Variants in PEX5L observed in about 807,000 individuals in gnomAD.
The protein encoded by PEX5L is peroxisomal biogenesis factor 5 like.
In PEX5L, 30 loss-of-function variants were observed where a neutral mutation model predicts 84.0. That is an observed-to-expected ratio of 0.36 (90% CI 0.27 to 0.48). PEX5L has a LOEUF of 0.48. Ranked by LOEUF, PEX5L falls within the 20% of genes least tolerant of loss-of-function variation. The pLI, the probability that PEX5L is intolerant of heterozygous loss-of-function variation, is 0.99. For synonymous variants in PEX5L, 270 were observed against 283.1 expected (o/e 0.95, Z 0.46); for missense variants, 533 against 754.6 (o/e 0.71, Z 3.44).
chr3:179,964,446 A>G (rs1782828249), intron 2 of PEX5L, among the ~76,000 whole-genome samples: 1 of 152,334 alleles, frequency 6.6e-6, no homozygotes. Context: ...AAGTTGACAA[A>G]TGGGACCTAA....
intron 1 of PEX5L, among the ~76,000 whole-genome samples, chr3:179,975,855 G>A (rs1458299850): frequency 6.6e-6 from 1 of 152,144 alleles, no homozygotes; most frequent in African/African-American, 2.4e-5. Context: ...TCTTTTGAGT[G>A]TCAATGAGGA....
At chr3:179,851,311 T>G (rs900080498) in intron 8 of PEX5L, among the ~76,000 whole-genome samples, 4 of 152,172 alleles carry the variant, frequency 2.6e-5, no homozygotes, top group African/African-American at 4.8e-5. Flanking sequence ...GGCCTGGTCT[T>G]CATTGAAACT....
At position 180,004,505 on chromosome 3, in the gene PEX5L, T is replaced by C. The variant is rs556392910; in HGVS notation, c.21+32074A>G. ...GCTGGGCATACTAATATGAATGAAA[T>C]GGTTCCAGTTCTACAGTGGGACCCA... On this transcript the variant is annotated intron_variant, in intron 1 of 14. Coordinates refer to ENST00000467460, the MANE Select transcript of PEX5L (RefSeq NM_016559.3). Among the ~76,000 whole-genome samples, 292 of 152,294 alleles carry C rather than the reference T, an allele frequency of 1.9e-3. 1 individual carries two copies. Among genetic ancestry groups the C allele is most frequent in the Non-Finnish European group, 3.2e-3 (215 of 68,006 alleles).
intron 2 of PEX5L, among the ~76,000 whole-genome samples, chr3:179,899,572 T>C (rs1760592824): frequency 1.3e-5 from 2 of 152,178 alleles, no homozygotes; most frequent in Non-Finnish European, 2.9e-5. Flanking sequence ...TTTAAGTATT[T>C]AGAAGGTAGG....
At chr3:179,973,920 A>T in intron 1 of PEX5L, 2 of 985,486 alleles carry the variant, frequency 2.0e-6, no homozygotes, top group Non-Finnish European at 2.4e-6. Context: ...GGAGCCTTAC[A>T]GTTTTACTCT....
intron 1 of PEX5L, among the ~76,000 whole-genome samples, chr3:179,986,593 G>T (rs534838863): frequency 9.2e-4 from 140 of 151,886 alleles, no homozygotes; most frequent in Non-Finnish European, 1.5e-3. Flanking sequence ...TAGTAGAGAC[G>T]GGGTTTCACC....
intron 5 of PEX5L, among the ~76,000 whole-genome samples, chr3:179,879,507 T>C (rs1753511587): frequency 6.6e-6 from 1 of 152,232 alleles, no homozygotes; most frequent in Non-Finnish European, 1.5e-5. Flanking sequence ...GTTATTATTG[T>C]ATGGCATGTA....
intron 2 of PEX5L, among the ~76,000 whole-genome samples, chr3:179,945,628 C>T (rs905555363): frequency 2.0e-5 from 3 of 152,172 alleles, no homozygotes; most frequent in African/African-American, 4.8e-5. Context: ...GCATGACACA[C>T]GCTTGAAAGG....
At position 179,797,603 on chromosome 3, in the gene PEX5L, A is replaced by AT. The variant is rs1431315600; in HGVS notation, c.*4224_*4225insA. The AT allele has an allele frequency of 2.5e-3, 274 of 109,846 alleles. No homozygotes were observed. Among genetic ancestry groups the AT allele is most frequent in the South Asian group, 9.5e-3 (33 of 3,472 alleles). 6.8% of individuals were successfully genotyped at this position (109,846 alleles called of 1,614,324 possible). A position where few individuals can be genotyped will look rare whatever the true frequency, so the allele number is the denominator to read the frequency against. On this transcript the variant is annotated 3_prime_UTR_variant, in exon 15 of 15. Coordinates refer to ENST00000467460, the MANE Select transcript of PEX5L (RefSeq NM_016559.3). ...TGAACACTCTTTAAAAAAAAAAAAAAAAATATATATATATATATATATATA... is the reference window on the plus strand; with the variant it reads ...TGAACACTCTTTAAAAAAAAAAAAAATAAATATATATATATATATATATATA...
At chr3:179,964,797 C>T (rs957092136) in intron 2 of PEX5L, among the ~76,000 whole-genome samples, 3 of 152,164 alleles carry the variant, frequency 2.0e-5, no homozygotes, top group African/African-American at 7.2e-5. Context: ...TACCAACTAC[C>T]ACCATGCTTT....
In PEX5L at chr3:179,874,441, A is replaced by C. The variant is rs1280403857; in HGVS notation, c.630-18T>G. ...CTGAGGACCTATAAGGGATGCATTA[A>C]GGAAATTAAACGTACACTAGAAACA... On this transcript the variant is annotated intron_variant, in intron 6 of 14. Coordinates refer to ENST00000467460, the MANE Select transcript of PEX5L (RefSeq NM_016559.3). The C allele has an allele frequency of 7.4e-7, 1 of 1,348,444 alleles. No homozygotes were observed. Among genetic ancestry groups the C allele is most frequent in the African/African-American group, 1.5e-5 (1 of 68,554 alleles). 83.5% of individuals were successfully genotyped at this position (1,348,444 alleles called of 1,614,324 possible).
rs145337071 is a variant in PEX5L at position 179,816,337 on chromosome 3, C to T, written c.940-333G>A. ...ACAATAGCAAAGACTTGGAACCAAA[C>T]CAAATGCCCATCAATGATAGACTGG... is the stretch of plus-strand genomic sequence containing the variant. On this transcript the variant is annotated intron_variant, in intron 9 of 14. Transcript: ENST00000467460. 9.6e-3 allele frequency among the ~76,000 whole-genome samples: 1,454 copies of T among 152,220 alleles called. 24 individuals carry two copies. Among genetic ancestry groups the T allele is most frequent in the African/African-American group, 0.033 (1,385 of 41,520 alleles).
intron 8 of PEX5L, among the ~76,000 whole-genome samples, chr3:179,825,580 C>T (rs1054014565): frequency 1.0e-4 from 15 of 149,508 alleles, no homozygotes; most frequent in African/African-American, 3.7e-4. Flanking sequence ...CAGTATAGGT[C>T]TCAATATTGG....
chr3:179,990,032 A>T (rs1328469732), intron 1 of PEX5L, among the ~76,000 whole-genome samples: 5 of 152,228 alleles, frequency 3.3e-5, no homozygotes, highest in African/African-American at 9.6e-5. Context: ...ACTTATAGGT[A>T]CAGATGATAG....
At chr3:179,992,004 T>C (rs1388276773) in intron 1 of PEX5L, among the ~76,000 whole-genome samples, 1 of 152,228 alleles carries the variant, frequency 6.6e-6, no homozygotes, top group African/African-American at 2.4e-5. Context: ...GTTTTTGTTC[T>C]TAAAACATAG....
chr3:179,897,287 T>C (rs1374584862), intron 3 of PEX5L, among the ~76,000 whole-genome samples: 2 of 152,090 alleles, frequency 1.3e-5, no homozygotes, highest in African/African-American at 4.8e-5. Flanking sequence ...AAAAATGAAA[T>C]GTTTAAAATA....
At chr3:179,830,397 TGAA>T (rs762155812) in intron 8 of PEX5L, among the ~76,000 whole-genome samples, 43 of 151,682 alleles carry the variant, frequency 2.8e-4, no homozygotes, top group Admixed American at 2.2e-3. Flanking sequence ...GGAAAATGGT[TGAA>T]GCTGCTTTGA....
At position 179,809,679 on chromosome 3, in the gene PEX5L, A is replaced by AG. The variant is rs778011261; in HGVS notation, c.1155-12_1155-11insC. On this transcript the variant is annotated splice_polypyrimidine_tract_variant and intron_variant, in intron 11 of 14. Transcript: ENST00000467460. Reference sequence around the variant, plus strand: ...TGTAATTCTAAGCACCTGAAAAAAAAAAAGAAGCCAATTTCAGATTTTTTT... The same window carrying AG: ...TGTAATTCTAAGCACCTGAAAAAAAAGAAAGAAGCCAATTTCAGATTTTTTT... 11 of 1,577,246 alleles carry AG rather than the reference A, an allele frequency of 7.0e-6. 1 individual carries two copies. In the South Asian group the frequency reaches 8.2e-5, roughly 12 times the overall value.
At chr3:179,810,032 T>A (rs1253331319) in intron 11 of PEX5L, among the ~76,000 whole-genome samples, 4 of 84,210 alleles carry the variant, frequency 4.8e-5, no homozygotes, top group Non-Finnish European at 9.2e-5. Context: ...TTTTTTTTTT[T>A]AGACAGAGTC....
Sources: gnomAD v4.1 joint callset for allele counts (sites outside exome capture counted in the v4.1 genomes callset) on GRCh38, gnomAD v4.1.1 for gene constraint, MANE v1.5 for transcripts, NCBI Gene and HGNC (gene_info 2026-07-23, HGNC 2026-07-21) for gene names.